Variants in GRIA4 observed in about 807,000 individuals in gnomAD.
The protein encoded by GRIA4 is glutamate receptor 4.
Under a neutral mutation model 104.0 loss-of-function variants are expected in GRIA4, and 34 were observed. The observed-to-expected ratio is 0.33, with a 90% confidence interval of 0.25 to 0.44. The LOEUF is 0.44. GRIA4 is among the 20% of genes least tolerant of loss of function. The pLI, the probability that GRIA4 is intolerant of heterozygous loss-of-function variation, is 1.00. For missense variants in GRIA4, 750 were observed against 1,096.5 expected, an observed-to-expected ratio of 0.68 and a Z score of 4.46; for synonymous variants, 386 against 381.9, an observed-to-expected ratio of 1.01 and a Z score of -0.13.
At chr11:105,888,683 T>G (rs1291637230) in intron 6 of GRIA4, among the ~76,000 whole-genome samples, 1 of 152,126 alleles carries the variant, frequency 6.6e-6, no homozygotes, top group Non-Finnish European at 1.5e-5. Flanking sequence ...GATCTACCCA[T>G]TCTTTCCGTA....
rs757732786 is a variant in GRIA4 at position 105,979,655 on chromosome 11, G to A, written c.2625G>A (p.Thr875=). ...TGGGAGAGAATGGCCGCGTCTTGACGCCTGACTGCCCAAAGGCTGTACACA... is the reference window on the plus strand; with the variant it reads ...TGGGAGAGAATGGCCGCGTCTTGACACCTGACTGCCCAAAGGCTGTACACA... ...GSVGENGRVL[T]PDCPKAVHTG... is the part of the protein sequence containing the mutation. The change falls in exon 17 of 17, where the codon ACG becomes ACA. Residue 875 remains threonine (T), a synonymous_variant. Coordinates refer to ENST00000282499, the MANE Select transcript of GRIA4 (RefSeq NM_000829.4). The A allele has an allele frequency of 5.6e-6, 9 of 1,613,452 alleles. No individual in the cohort carries two copies. In the African/African-American group the frequency reaches 1.1e-4, roughly 19 times the overall value.
At position 105,981,553 on chromosome 11, in the gene GRIA4, T is replaced by TCTCACA. The variant is rs373898605; in HGVS notation, c.*1815_*1816insTCACAC. 2 of 134,020 alleles carry TCTCACA rather than the reference T, an allele frequency of 1.5e-5. No homozygotes were observed. Among genetic ancestry groups the TCTCACA allele is most frequent in the Admixed American group, 7.4e-5 (1 of 13,542 alleles). 8.3% of individuals were successfully genotyped at this position (134,020 alleles called of 1,614,324 possible). A position where few individuals can be genotyped will look rare whatever the true frequency, so the allele number is the denominator to read the frequency against. On this transcript the variant is annotated 3_prime_UTR_variant, in exon 17 of 17. Transcript: ENST00000282499. ...TAAGAGCAATCTTAAACAGTATAAA[T>TCTCACA]CACACACACACACACACACACACAC... is the stretch of plus-strand genomic sequence containing the variant.
chr11:105,927,399 A>G (rs1416847166), intron 13 of GRIA4, among the ~76,000 whole-genome samples: 1 of 152,126 alleles, frequency 6.6e-6, no homozygotes, highest in Non-Finnish European at 1.5e-5. Flanking sequence ...TCTATAACCT[A>G]TTCTGTAACA....
At chr11:105,931,915 T>C (rs1037356514) in intron 13 of GRIA4, among the ~76,000 whole-genome samples, 2 of 152,152 alleles carry the variant, frequency 1.3e-5, no homozygotes, top group Non-Finnish European at 2.9e-5. Context: ...TCAAGTTATA[T>C]GTTGATTAGT....
rs545035989 is a variant in GRIA4 at position 105,727,555 on chromosome 11, C to T, written c.248-25426C>T. Among the ~76,000 whole-genome samples, 471 of 152,154 alleles carry T rather than the reference C, an allele frequency of 3.1e-3. 3 individuals are homozygous for T. The highest frequency in any genetic ancestry group is 0.01 in the African/African-American group (430 of 41,508). ...CCACAAAGATACTCCTTGAGAAGAGCAACCCCAAGACATAATCATCAGATT... is the reference window on the plus strand; with the variant it reads ...CCACAAAGATACTCCTTGAGAAGAGTAACCCCAAGACATAATCATCAGATT... On this transcript the variant is annotated intron_variant, in intron 3 of 16. Transcript: ENST00000282499.
chr11:105,842,867 AAGAATATG>A (rs1591335863), intron 4 of GRIA4: 1 of 152,218 alleles, frequency 6.6e-6, no homozygotes, highest in East Asian at 1.9e-4. Flanking sequence ...CTGTTCCTGG[AAGAATATG>A]ATGCTAAGAG....
chr11:105,783,744 T>TTTTGTG (rs976557176), intron 4 of GRIA4, among the ~76,000 whole-genome samples: 1 of 145,376 alleles, frequency 6.9e-6, no homozygotes, highest in African/African-American at 2.6e-5. Context: ...TGGATGTTAT[T>TTTTGTG]TGTGTGTGTG....
intron 4 of GRIA4, 24 bp from the exon 5 acceptor site, chr11:105,862,000 A>G: frequency 1.3e-6 from 2 of 1,510,856 alleles, no homozygotes; most frequent in Non-Finnish European, 1.8e-6. Flanking sequence ...GCATGTTTTT[A>G]GTAACTTTTT....
At chr11:105,945,879 T>C (rs1026047964) in intron 14 of GRIA4, among the ~76,000 whole-genome samples, 9 of 152,266 alleles carry the variant, frequency 5.9e-5, no homozygotes, top group Admixed American at 4.6e-4. Flanking sequence ...ACAATAGTGC[T>C]CACAAAAATA....
At chr11:105,711,506 G>T (rs957031433) in intron 3 of GRIA4, among the ~76,000 whole-genome samples, 3 of 152,016 alleles carry the variant, frequency 2.0e-5, no homozygotes, top group Admixed American at 2.0e-4. Context: ...TCAAATGTTT[G>T]CTCTGATTAT....
intron 3 of GRIA4, among the ~76,000 whole-genome samples, chr11:105,643,354 C>G (rs1591489451): frequency 6.6e-6 from 1 of 152,092 alleles, no homozygotes; most frequent in African/African-American, 2.4e-5. Context: ...GGAGAAGATC[C>G]TATAGGATTC....
intron 3 of GRIA4, among the ~76,000 whole-genome samples, chr11:105,630,799 A>C (rs907412556): frequency 1.3e-5 from 2 of 152,162 alleles, no homozygotes; most frequent in Non-Finnish European, 2.9e-5. Flanking sequence ...AGGATCATAA[A>C]GATCATTACT....
chr11:105,660,121 G>A (rs556120888), intron 3 of GRIA4, among the ~76,000 whole-genome samples: 2 of 151,598 alleles, frequency 1.3e-5, no homozygotes, highest in South Asian at 4.1e-4. Flanking sequence ...TATTTCTAGG[G>A]GAAGGAAAAA....
At chr11:105,932,956 C>T (rs1947924877) in intron 13 of GRIA4, among the ~76,000 whole-genome samples, 1 of 152,046 alleles carries the variant, frequency 6.6e-6, no homozygotes, top group Admixed American at 6.6e-5. Context: ...AATAAAATAA[C>T]AGCCAGACAT....
intron 4 of GRIA4, among the ~76,000 whole-genome samples, chr11:105,795,588 A>G (rs150264997): frequency 4.7e-4 from 71 of 152,238 alleles, no homozygotes; most frequent in Non-Finnish European, 9.0e-4. Context: ...TCTAAGGGTA[A>G]TGGAAAGCTA....
intron 3 of GRIA4, among the ~76,000 whole-genome samples, chr11:105,655,019 T>C (rs1419445866): frequency 6.6e-6 from 1 of 152,172 alleles, no homozygotes; most frequent in Non-Finnish European, 1.5e-5. Context: ...TGTTTGAGCA[T>C]GGCAACCAGG....
At chr11:105,978,017 T>A (rs1022219709) in intron 16 of GRIA4, among the ~76,000 whole-genome samples, 1 of 152,078 alleles carries the variant, frequency 6.6e-6, no homozygotes, top group African/African-American at 2.4e-5. Flanking sequence ...TAGTGGGCAA[T>A]GTATTCATTT....
chr11:105,887,657 T>A, intron 6 of GRIA4, 85 bp downstream of exon 6: 1 of 721,964 alleles, frequency 1.4e-6, no homozygotes, highest in South Asian at 1.6e-5. Flanking sequence ...AATGCTTCAA[T>A]AAATAGAGTA....
chr11:105,677,341 C>T (rs1030193769), intron 3 of GRIA4, among the ~76,000 whole-genome samples: 1 of 151,732 alleles, frequency 6.6e-6, no homozygotes, highest in Non-Finnish European at 1.5e-5. Flanking sequence ...ATTAACTGAG[C>T]AAATGGTTAA....
Sources: allele counts gnomAD v4.1 joint callset (sites outside exome capture counted in the v4.1 genomes callset), GRCh38; gene constraint gnomAD v4.1.1; transcripts MANE v1.5; gene names NCBI Gene and HGNC (gene_info 2026-07-23, HGNC 2026-07-21).